Variants in KIF20B observed in about 807,000 individuals in gnomAD.
The protein encoded by KIF20B is kinesin-like protein KIF20B.
KIF20B carries 188 observed loss-of-function variants against 232.5 expected under a neutral mutation model. The ratio of observed to expected loss-of-function variants is 0.81; its 90% confidence interval spans 0.72 to 0.91. The LOEUF (loss-of-function observed/expected upper bound fraction) is 0.91, where lower values mean the gene tolerates loss of function less well. Among genes scored for constraint, KIF20B ranks in the 40% least tolerant of loss-of-function variants. The pLI, the probability that KIF20B is intolerant of heterozygous loss-of-function variation, is 0.00. For missense variants in KIF20B, 2,154 were observed against 2,055.9 expected, an observed-to-expected ratio of 1.05 and a Z score of -0.92; for synonymous variants, 712 against 683.0, an observed-to-expected ratio of 1.04 and a Z score of -0.66.
intron 1 of KIF20B, among the ~76,000 whole-genome samples, chr10:89,704,151 C>CTAT (rs1274086969): frequency 1.3e-5 from 2 of 152,158 alleles, no homozygotes; most frequent in Admixed American, 1.3e-4. Flanking sequence ...CACTGTAGAG[C>CTAT]TATTATGCAA....
Position 89,717,559 on chromosome 10 carries a change from T to C in KIF20B, c.1125-17T>C, listed in dbSNP as rs531074538. On this transcript the variant is annotated splice_polypyrimidine_tract_variant and intron_variant, in intron 10 of 32. Coordinates refer to ENST00000371728, the MANE Select transcript of KIF20B (RefSeq NM_001284259.2). Reference sequence around the variant, plus strand: ...GTTTTGAAGAACTTTTAAAGTACTTTTTTTTTCTTAATTCAGATTATCTTT... The same window carrying C: ...GTTTTGAAGAACTTTTAAAGTACTTCTTTTTTCTTAATTCAGATTATCTTT... 20 of 1,599,102 alleles carry C rather than the reference T, an allele frequency of 1.3e-5. No homozygotes were observed. The African/African-American group carries it at 1.9e-4, about 15-fold the overall frequency.
chr10:89,745,219 G>C (rs1301701968), intron 22 of KIF20B, among the ~76,000 whole-genome samples: 1 of 152,012 alleles, frequency 6.6e-6, no homozygotes, highest in African/African-American at 2.4e-5. Context: ...AAATAACCGG[G>C]TCATAACGTA....
intron 1 of KIF20B, among the ~76,000 whole-genome samples, chr10:89,702,834 G>A (rs1322490899): frequency 2.0e-5 from 3 of 150,838 alleles, no homozygotes; most frequent in South Asian, 2.1e-4. Flanking sequence ...CCCTGCATAA[G>A]TCGCTGAATT....
At chr10:89,746,068 C>G in intron 23 of KIF20B, 109 bp downstream of exon 23, 1 of 759,798 alleles carries the variant, frequency 1.3e-6, no homozygotes, top group Non-Finnish European at 2.3e-6. Flanking sequence ...GCTCAAACCC[C>G]TAGGGGGAGC....
At chr10:89,739,992 A>AT (rs1841761073) in intron 21 of KIF20B, among the ~76,000 whole-genome samples, 1 of 151,850 alleles carries the variant, frequency 6.6e-6, no homozygotes, top group Non-Finnish European at 1.5e-5. Flanking sequence ...ATTGTTTATT[A>AT]TTTTTTGCCC....
At chr10:89,740,507 G>A (rs1253037710) in intron 21 of KIF20B, among the ~76,000 whole-genome samples, 1 of 152,094 alleles carries the variant, frequency 6.6e-6, no homozygotes, top group African/African-American at 2.4e-5. Flanking sequence ...CTCTTCCACA[G>A]AGTTTGGTGG....
At position 89,728,823 on chromosome 10, in the gene KIF20B, T is replaced by C. The variant is rs61870760; in HGVS notation, c.2272-305T>C. Among the ~76,000 whole-genome samples the C allele has an allele frequency of 4.6e-5, 7 of 152,118 alleles. No individual in the cohort carries two copies. The South Asian group carries it at 1.5e-3, about 32-fold the overall frequency. Reference sequence around the variant, plus strand: ...ACTGTGCCTGGCCCAGGGTGACATATTAAAAGGGATAGCAGCTAGGATTTG... The same window carrying C: ...ACTGTGCCTGGCCCAGGGTGACATACTAAAAGGGATAGCAGCTAGGATTTG... On this transcript the variant is annotated intron_variant, in intron 17 of 32. Transcript: ENST00000371728.
chr10:89,739,913 C>T (rs999223448), intron 21 of KIF20B, among the ~76,000 whole-genome samples: 1 of 152,084 alleles, frequency 6.6e-6, no homozygotes, highest in Non-Finnish European at 1.5e-5. Flanking sequence ...TAATCATTTT[C>T]ACCTCTGTAT....
At position 89,725,032 on chromosome 10, in the gene KIF20B, T is replaced by G; in HGVS notation, c.1875T>G (p.Leu625=). ...TTGTATTTTGAAGGGAGACTCTGCTTCAAGAACGAGAGATATTAGAAGAAA... is the reference window on the plus strand; with the variant it reads ...TTGTATTTTGAAGGGAGACTCTGCTGCAAGAACGAGAGATATTAGAAGAAA... ...QREADFKETL[L]QEREILEENA... is the part of the protein sequence containing the mutation. The change falls in exon 15 of 33, where the codon CTT becomes CTG. Residue 625 remains leucine (L), a synonymous_variant. Coordinates refer to ENST00000371728, the MANE Select transcript of KIF20B (RefSeq NM_001284259.2). 6.2e-7 allele frequency: 1 copy of G among 1,613,502 alleles called. No individual in the cohort carries two copies. The highest frequency in any genetic ancestry group is 8.5e-7 in the Non-Finnish European group (1 of 1,179,698).
Position 89,712,653 on chromosome 10 carries a change from C to T in KIF20B, c.676-1394C>T, listed in dbSNP as rs549625832. On this transcript the variant is annotated intron_variant, in intron 6 of 32. Transcript: ENST00000371728. ...CAGTTTTGAGGACAAATGGTACTGC[C>T]CTCATGGAGACTGACAATAAATAAA... is the stretch of plus-strand genomic sequence containing the variant. 2.6e-5 allele frequency among the ~76,000 whole-genome samples: 4 copies of T among 152,148 alleles called. No individual in the cohort carries two copies. In the East Asian group the frequency reaches 7.7e-4, roughly 29 times the overall value.
At chr10:89,761,662 T>G (rs1842244615) in intron 28 of KIF20B, among the ~76,000 whole-genome samples, 1 of 152,222 alleles carries the variant, frequency 6.6e-6, no homozygotes, top group African/African-American at 2.4e-5. Context: ...CATTTTCTCT[T>G]GGTTTTTCCT....
chr10:89,750,107 T>G (rs1841993620), intron 23 of KIF20B, among the ~76,000 whole-genome samples: 1 of 152,170 alleles, frequency 6.6e-6, no homozygotes, highest in African/African-American at 2.4e-5. Flanking sequence ...CAATGACTGA[T>G]TAAATAATTA....
In KIF20B at chr10:89,714,060, A is replaced by G. The variant is rs771486548; in HGVS notation, c.689A>G (p.Asn230Ser). The change falls in exon 7 of 33, where the codon AAT becomes AGT. Residue 230 changes from asparagine (N) to serine (S), a missense_variant. Transcript: ENST00000371728. Reference sequence around the variant, plus strand: ...TCTTTTTTTTAGGTTACTGTGCATAATGATAGTGATGATACTCTTTATGGT... The same window carrying G: ...TCTTTTTTTTAGGTTACTGTGCATAGTGATAGTGATGATACTCTTTATGGT... Reference protein sequence around the residue: ...LRQIKEVTVHNDSDDTLYGSL... With the variant: ...LRQIKEVTVHSDSDDTLYGSL... 3.4e-6 allele frequency: 5 copies of G among 1,450,480 alleles called. No homozygotes were observed. Among genetic ancestry groups the G allele is most frequent in the East Asian group, 2.5e-5 (1 of 40,572 alleles). The allele number at this position is 1,450,480 out of a possible 1,614,324, so 89.9% of individuals were successfully genotyped here. A position where few individuals can be genotyped will look rare whatever the true frequency, so the allele number is the denominator to read the frequency against.
intron 25 of KIF20B, among the ~76,000 whole-genome samples, chr10:89,753,844 T>G (rs1842068877): frequency 6.6e-6 from 1 of 152,134 alleles, no homozygotes; most frequent in African/African-American, 2.4e-5. Flanking sequence ...GGTCTTGATC[T>G]CCTGACCTCG....
chr10:89,709,956 A>C lies in KIF20B; in HGVS notation c.381A>C (p.Glu127Asp). The C allele has an allele frequency of 6.3e-7, 1 of 1,593,608 alleles. No individual in the cohort carries two copies. The highest frequency in any genetic ancestry group is 8.5e-7 in the Non-Finnish European group (1 of 1,173,354). ...TTGGCCCAGCAACTACACAGAAGGAATTCTTTCAGGGTTGCATTATGCAAC... is the reference window on the plus strand; with the variant it reads ...TTGGCCCAGCAACTACACAGAAGGACTTCTTTCAGGGTTGCATTATGCAAC... Reference protein sequence around the residue: ...KVFGPATTQKEFFQGCIMQPV... With the variant: ...KVFGPATTQKDFFQGCIMQPV... The change falls in exon 5 of 33, where the codon GAA becomes GAC. Residue 127 changes from glutamate to aspartate, a missense_variant. Coordinates refer to ENST00000371728, the MANE Select transcript of KIF20B (RefSeq NM_001284259.2).
Position 89,737,350 on chromosome 10 carries a change from G to A in KIF20B, c.2546-37G>A, listed in dbSNP as rs74147643. The A allele has an allele frequency of 2.9e-3, 4,099 of 1,432,834 alleles. 81 individuals are homozygous for A. The African/African-American group carries it at 0.05, about 18-fold the overall frequency. The allele number at this position is 1,432,834 out of a possible 1,614,324, so 88.8% of individuals were successfully genotyped here. On this transcript the variant is annotated intron_variant, in intron 19 of 32. Transcript: ENST00000371728. ...ATGGTGACTTTTTGGTTTTATTAAG[G>A]TTTGCCAGATTAATAACAATTTTCT...
At chr10:89,737,110 G>A (rs945861285) in intron 19 of KIF20B, among the ~76,000 whole-genome samples, 6 of 151,982 alleles carry the variant, frequency 3.9e-5, no homozygotes, top group Non-Finnish European at 8.8e-5. Context: ...GAAATAGCTG[G>A]TAATGCTACT....
chr10:89,762,560 A>G, intron 28 of KIF20B, 78 bp from the exon 29 acceptor site: 1 of 1,087,126 alleles, frequency 9.2e-7, no homozygotes. Flanking sequence ...TTGGATAGGC[A>G]TTTGAGAGAA....
At chr10:89,772,261 A>G (rs1481023321) in intron 31 of KIF20B, among the ~76,000 whole-genome samples, 1 of 152,064 alleles carries the variant, frequency 6.6e-6, no homozygotes, top group African/African-American at 2.4e-5. Context: ...GGGTTTACAA[A>G]GTATTTTCAT....
Sources: allele counts gnomAD v4.1 joint callset (sites outside exome capture counted in the v4.1 genomes callset), GRCh38; gene constraint gnomAD v4.1.1; transcripts MANE v1.5; gene names NCBI Gene and HGNC (gene_info 2026-07-23, HGNC 2026-07-21).